NRG3: variants seen among roughly 807,000 people sequenced by gnomAD.
The protein encoded by NRG3 is pro-neuregulin-3, membrane-bound isoform.
In NRG3, 31 loss-of-function variants were observed where a neutral mutation model predicts 66.9. That is an observed-to-expected ratio of 0.46 (90% CI 0.35 to 0.63). The LOEUF is 0.63. NRG3 is among the 20% of genes least tolerant of loss of function. The pLI is 0.00. For missense variants in NRG3, 910 were observed against 878.9 expected, an observed-to-expected ratio of 1.04 and a Z score of -0.45; for synonymous variants, 393 against 359.4, an observed-to-expected ratio of 1.09 and a Z score of -1.06.
At chr10:81,958,748 G>T (rs982792216) in intron 1 of NRG3, among the ~76,000 whole-genome samples, 1 of 152,148 alleles carries the variant, frequency 6.6e-6, no homozygotes, top group African/African-American at 2.4e-5. Flanking sequence ...AATTAGCTGG[G>T]CATGGCGGTG....
intron 2 of NRG3, among the ~76,000 whole-genome samples, chr10:82,429,231 A>C (rs2136305736): frequency 6.6e-6 from 1 of 152,164 alleles, no homozygotes; most frequent in South Asian, 2.1e-4. Flanking sequence ...AGATAGGAAA[A>C]GAAAATCCTT....
chr10:81,984,163 A>G (rs921620364), intron 1 of NRG3, among the ~76,000 whole-genome samples: 17 of 152,206 alleles, frequency 1.1e-4, no homozygotes, highest in African/African-American at 3.9e-4. Flanking sequence ...ACATTAACTC[A>G]GAGAGACCAT....
chr10:82,533,869 G>C (rs1195408450), intron 2 of NRG3, among the ~76,000 whole-genome samples: 1 of 151,922 alleles, frequency 6.6e-6, no homozygotes, highest in Non-Finnish European at 1.5e-5. Flanking sequence ...ACAATAAGAA[G>C]AACAACAACA....
intron 1 of NRG3, among the ~76,000 whole-genome samples, chr10:82,231,726 T>C (rs956673244): frequency 6.6e-6 from 1 of 152,132 alleles, no homozygotes; most frequent in African/African-American, 2.4e-5. Context: ...CATAATTCAG[T>C]GTGTGAAAAC....
At chr10:82,845,222 G>A (rs1218323292) in intron 3 of NRG3, among the ~76,000 whole-genome samples, 1 of 152,184 alleles carries the variant, frequency 6.6e-6, no homozygotes, top group Non-Finnish European at 1.5e-5. Context: ...TTCTATACAT[G>A]CCAGTAGTGG....
intron 2 of NRG3, among the ~76,000 whole-genome samples, chr10:82,612,658 G>A (rs2133518467): frequency 6.6e-6 from 1 of 152,114 alleles, no homozygotes; most frequent in East Asian, 1.9e-4. Context: ...ATTTTACTGA[G>A]ATATATTGAT....
intron 1 of NRG3, among the ~76,000 whole-genome samples, chr10:82,220,237 T>C (rs2075876676): frequency 6.6e-6 from 1 of 152,048 alleles, no homozygotes; most frequent in African/African-American, 2.4e-5. Flanking sequence ...CTTTGAATAC[T>C]CTTTCCTTGC....
intron 4 of NRG3, among the ~76,000 whole-genome samples, chr10:82,924,804 AC>A (rs1846819337): frequency 6.6e-6 from 1 of 152,096 alleles, no homozygotes; most frequent in Non-Finnish European, 1.5e-5. Flanking sequence ...TATCATGGAC[AC>A]CCCAGCTTTT....
At chr10:82,855,112 G>T (rs2063740990) in intron 3 of NRG3, among the ~76,000 whole-genome samples, 1 of 152,138 alleles carries the variant, frequency 6.6e-6, no homozygotes. Flanking sequence ...CGTTTCTTTA[G>T]TGGAGTGCAG....
At chr10:82,712,554 A>G (rs1037035512) in intron 2 of NRG3, among the ~76,000 whole-genome samples, 1 of 152,220 alleles carries the variant, frequency 6.6e-6, no homozygotes, top group Non-Finnish European at 1.5e-5. Context: ...TTTGTATTCC[A>G]TAACAAGTTC....
intron 6 of NRG3, among the ~76,000 whole-genome samples, chr10:82,963,935 G>C (rs1451463214): frequency 6.6e-6 from 1 of 152,120 alleles, no homozygotes; most frequent in Non-Finnish European, 1.5e-5. Context: ...GTAGAGTTTT[G>C]AGAGTGAATT....
In NRG3 at chr10:82,384,283, T is replaced by G. The variant is rs145873393; in HGVS notation, c.953+25415T>G. 5.8e-4 allele frequency among the ~76,000 whole-genome samples: 89 copies of G among 152,306 alleles called. 2 individuals are homozygous for G. In the East Asian group the frequency reaches 0.017, roughly 28 times the overall value. On this transcript the variant is annotated intron_variant, in intron 2 of 8. Coordinates refer to ENST00000372141, the MANE Select transcript of NRG3 (RefSeq NM_001010848.4). ...ATTTTAGTTTTTTTTTATTTTCAAC[T>G]TTTATTGTAAATTCAGAGGTACATG...
intron 1 of NRG3, among the ~76,000 whole-genome samples, chr10:82,186,151 C>CA (rs774136272): frequency 1.2e-4 from 19 of 152,156 alleles, no homozygotes; most frequent in Non-Finnish European, 1.5e-4. Context: ...TTTACAGAAG[C>CA]ATTCAGAACT....
chr10:81,884,971 G>A (rs1842504930), intron 1 of NRG3, among the ~76,000 whole-genome samples: 1 of 152,040 alleles, frequency 6.6e-6, no homozygotes, highest in South Asian at 2.1e-4. Flanking sequence ...TCTTTTTTAA[G>A]TATGCAGTAT....
chr10:82,309,616 A>G (rs2080922605), intron 1 of NRG3, among the ~76,000 whole-genome samples: 2 of 152,196 alleles, frequency 1.3e-5, no homozygotes, highest in African/African-American at 4.8e-5. Flanking sequence ...AAGAGGGTAG[A>G]CAGTAGCCTG....
intron 1 of NRG3, among the ~76,000 whole-genome samples, chr10:82,156,353 T>G (rs904837602): frequency 4.6e-5 from 7 of 151,516 alleles, no homozygotes; most frequent in African/African-American, 1.7e-4. Context: ...AACTGGAAGG[T>G]ATGTCCATGT....
At chr10:82,396,615 G>A (rs2086730975) in intron 2 of NRG3, among the ~76,000 whole-genome samples, 1 of 152,190 alleles carries the variant, frequency 6.6e-6, no homozygotes, top group Non-Finnish European at 1.5e-5. Context: ...CATTGGTCAT[G>A]AATCTGTTAT....
At chr10:82,038,036 T>C (rs2062869502) in intron 1 of NRG3, among the ~76,000 whole-genome samples, 1 of 151,292 alleles carries the variant, frequency 6.6e-6, no homozygotes, top group Non-Finnish European at 1.5e-5. Context: ...AACCCAAATA[T>C]GCTTTTGAAA....
intron 1 of NRG3, among the ~76,000 whole-genome samples, chr10:82,256,508 T>A (rs1564718047): frequency 1.3e-5 from 2 of 152,160 alleles, no homozygotes; most frequent in Non-Finnish European, 2.9e-5. Context: ...TACTCCTCCT[T>A]CCTGTCCTGA....
Sources: allele counts gnomAD v4.1 joint callset (sites outside exome capture counted in the v4.1 genomes callset), GRCh38; gene constraint gnomAD v4.1.1; transcripts MANE v1.5; gene names NCBI Gene and HGNC (gene_info 2026-07-23, HGNC 2026-07-21).